Variants in XG observed in about 807,000 individuals in gnomAD.
XG encodes Xg glycoprotein (Xg blood group).
XG carries 24 observed loss-of-function variants against 25.7 expected under a neutral mutation model. That is an observed-to-expected ratio of 0.93 (90% CI 0.68 to 1.31). XG has a LOEUF of 1.31. Ranked by LOEUF, XG falls within the 40% of genes most tolerant of loss-of-function variation. The pLI, the probability that XG is intolerant of heterozygous loss-of-function variation, is 0.00. For synonymous variants in XG, 77 were observed against 69.2 expected, an observed-to-expected ratio of 1.11 and a Z score of -0.56; for missense variants, 181 against 187.6, an observed-to-expected ratio of 0.96 and a Z score of 0.21.
chrX:2,779,202 T>C (rs1266902834), intron 3 of XG, among the ~76,000 whole-genome samples: 1 of 151,274 alleles, frequency 6.6e-6, no homozygotes, highest in Admixed American at 6.6e-5. Context: ...ACAAAAAGCA[T>C]AACCACGCCC....
chrX:2,765,714 C>T (rs187618318), intron 1 of XG, among the ~76,000 whole-genome samples: 1 of 152,202 alleles, frequency 6.6e-6, no homozygotes, highest in Non-Finnish European at 1.5e-5. Flanking sequence ...AGAGGTTTTG[C>T]TGTGGGTCCA....
chrX:2,776,687 A>AC (rs1419185969), intron 3 of XG, among the ~76,000 whole-genome samples: 3 of 152,166 alleles, frequency 2.0e-5, no homozygotes, highest in Non-Finnish European at 4.4e-5. Context: ...CTACTAAAAA[A>AC]TACAAAAAAA....
intron 4 of XG, among the ~76,000 whole-genome samples, chrX:2,785,078 C>T (rs181297115): frequency 4.5e-4 from 50 of 111,962 alleles, no homozygotes; most frequent in African/African-American, 1.5e-3. Context: ...TTGGTTTGAT[C>T]TGGAAATGCG....
At chrX:2,786,260 C>CTTTTTTTTTT (rs1179667048) in intron 4 of XG, among the ~76,000 whole-genome samples, 24,974 of 59,830 alleles carry the variant, frequency 0.42, 7,179 homozygotes, top group Non-Finnish European at 0.56. Context: ...TCCATGTTGT[C>CTTTTTTTTTT]TTTTTTTTTT....
chrX:2,753,155 C>T (rs1472062304), intron 1 of XG, among the ~76,000 whole-genome samples: 3 of 152,088 alleles, frequency 2.0e-5, no homozygotes, highest in African/African-American at 7.2e-5. Context: ...AAGACATGGA[C>T]GTCATTAAGA....
intron 1 of XG, among the ~76,000 whole-genome samples, chrX:2,754,356 T>C (rs2050391208): frequency 1.3e-5 from 2 of 152,158 alleles, no homozygotes; most frequent in African/African-American, 4.8e-5. Context: ...TGCCTTGGCC[T>C]CCCCAAATCT....
intron 9 of XG, 47 bp downstream of exon 9, chrX:2,808,267 C>G (rs1320055112): frequency 8.4e-7 from 1 of 1,190,676 alleles, no homozygotes; most frequent in East Asian, 3.0e-5. Flanking sequence ...AGAGCACACT[C>G]TCCTAGATCA....
At chrX:2,771,591 T>G (rs2050820959) in intron 2 of XG, among the ~76,000 whole-genome samples, 1 of 152,186 alleles carries the variant, frequency 6.6e-6, no homozygotes, top group Admixed American at 6.5e-5. Flanking sequence ...AAGATTTGGT[T>G]TCTGATGCAG....
intron 3 of XG, among the ~76,000 whole-genome samples, chrX:2,777,174 A>T (rs73190953): frequency 0.074 from 11,191 of 152,256 alleles, 533 homozygotes; most frequent in Middle Eastern, 0.14. Flanking sequence ...AAACTAAGTG[A>T]TTGTTAGCTG....
intron 1 of XG, among the ~76,000 whole-genome samples, chrX:2,766,797 C>T (rs1426206194): frequency 2.0e-5 from 3 of 151,814 alleles, no homozygotes; most frequent in African/African-American, 7.3e-5. Context: ...GATCTCCTGA[C>T]CTCGTGATCC....
chrX:2,752,225 A>T lies in XG; in HGVS notation c.-50A>T. Reference sequence around the variant, plus strand: ...GAGGGTGGAGAGGCCGGGTCTCACAATCCGCTTGGCTGGGGAGTCCACTGA... The same window carrying T: ...GAGGGTGGAGAGGCCGGGTCTCACATTCCGCTTGGCTGGGGAGTCCACTGA... On this transcript the variant is annotated 5_prime_UTR_variant, in exon 1 of 11. Transcript: ENST00000644266. 22 of 1,612,944 alleles carry T rather than the reference A, an allele frequency of 1.4e-5. No homozygotes were observed. The highest frequency in any genetic ancestry group is 1.8e-5 in the Non-Finnish European group (21 of 1,179,176).
intron 6 of XG, among the ~76,000 whole-genome samples, chrX:2,796,347 A>G (rs187426994): frequency 9.1e-6 from 1 of 109,324 alleles, no homozygotes; most frequent in Non-Finnish European, 1.9e-5. Context: ...ATATGCATAT[A>G]TAGCTTACAT....
chrX:2,801,217 G>T (rs1300344558), intron 7 of XG, among the ~76,000 whole-genome samples: 2 of 110,707 alleles, frequency 1.8e-5, no homozygotes, highest in African/African-American at 6.6e-5. Context: ...TACATACCTG[G>T]GGTTCATTGT....
chrX:2,759,717 G>A, intron 1 of XG, among the ~76,000 whole-genome samples: 1 of 152,324 alleles, frequency 6.6e-6, no homozygotes, highest in Admixed American at 6.5e-5. Context: ...GACCCTTCCT[G>A]TGAGGGCCCC....
At chrX:2,813,469 G>C (rs1430088939) in intron 10 of XG, among the ~76,000 whole-genome samples, 1 of 112,289 alleles carries the variant, frequency 8.9e-6, no homozygotes, top group African/African-American at 3.2e-5. Context: ...GCTGCTAATG[G>C]TACCCAGCTG....
chrX:2,756,157 G>T (rs1178532718), intron 1 of XG, among the ~76,000 whole-genome samples: 1 of 152,168 alleles, frequency 6.6e-6, no homozygotes, highest in African/African-American at 2.4e-5. Flanking sequence ...TCCTAATAGA[G>T]GTTGACATTT....
At chrX:2,792,921 GT>G (rs1256484004) in intron 5 of XG, among the ~76,000 whole-genome samples, 1 of 106,348 alleles carries the variant, frequency 9.4e-6, no homozygotes, top group Non-Finnish European at 2.0e-5. Context: ...TTTTATACTT[GT>G]TTTTTTTTTG....
rs779637233 is a variant in XG at position 2,811,463 on chromosome X, CTCTAAACATTGTTT to C, written c.571+13_571+26del. On this transcript the variant is annotated intron_variant, in intron 10 of 10. Transcript: ENST00000644266. ...GTTTCAGGACCCATGGTAAGTTTGGCTCTAAACATTGTTTTGCTTGTTACTAAGCCTGATTTAAA... is the reference window on the plus strand; with the variant it reads ...GTTTCAGGACCCATGGTAAGTTTGGCTGCTTGTTACTAAGCCTGATTTAAA... 1 of 1,152,079 alleles carries C rather than the reference CTCTAAACATTGTTT, an allele frequency of 8.7e-7. No individual in the cohort carries two copies. Among genetic ancestry groups the C allele is most frequent in the African/African-American group, 1.8e-5 (1 of 54,155 alleles). The allele number at this position is 1,152,079 out of a possible 1,213,427, so 94.9% of individuals were successfully genotyped here. A position where few individuals can be genotyped will look rare whatever the true frequency, so the allele number is the denominator to read the frequency against.
chrX:2,778,817 A>G (rs1313823732), intron 3 of XG, among the ~76,000 whole-genome samples: 3 of 148,362 alleles, frequency 2.0e-5, no homozygotes, highest in Admixed American at 6.8e-5. Flanking sequence ...TCTGTCACCC[A>G]GGCTGCAGTG....
Sources: allele counts gnomAD v4.1 joint callset (sites outside exome capture counted in the v4.1 genomes callset), GRCh38; gene constraint gnomAD v4.1.1; transcripts MANE v1.5; gene names NCBI Gene and HGNC (gene_info 2026-07-23, HGNC 2026-07-21).